The following SMG6 variants were observed in gnomAD, a reference collection of about 807,000 sequenced individuals.
SMG6 encodes telomerase-binding protein EST1A.
Under a neutral mutation model 142.2 loss-of-function variants are expected in SMG6, and 66 were observed. The ratio of observed to expected loss-of-function variants is 0.46; its 90% CI spans 0.38 to 0.57. The LOEUF is 0.57. SMG6 is among the 20% of genes least tolerant of loss of function. SMG6 has a pLI of 0.00. For missense variants in SMG6, 1,793 were observed against 1,832.0 expected (o/e 0.98, Z 0.39); for synonymous variants, 779 against 702.4 (o/e 1.11, Z -1.72).
chr17:2,236,497 A>T lies in SMG6; in HGVS notation c.2864T>A (p.Leu955Gln). Residue 955 changes from leucine (L) to glutamine (Q), a missense_variant, in exon 10 of 19, where the codon CTG (leucine) becomes CAG (glutamine). This residue lies in a region of SMG6 where 1,597 missense variants were observed against 1,584.6 expected (regional missense o/e 1.01). Coordinates refer to ENST00000263073, the MANE Select transcript of SMG6 (RefSeq NM_017575.5). The stretch of plus-strand genomic sequence containing the variant: ...AGAAACTAAACATGCCTTACCTTTC[A>T]GCTGGGAGTTGTGTACTGCAAACAT... Reference protein sequence around the residue: ...INMFAVHNSQLKDCFSEECRS... With the variant: ...INMFAVHNSQQKDCFSEECRS... 1 of 1,612,258 alleles carries T rather than the reference A, an allele frequency of 6.2e-7. No individual in the cohort carries two copies. The highest frequency in any genetic ancestry group is 1.3e-5 in the African/African-American group (1 of 74,990).
chr17:2,085,368 C>G lies in SMG6; in HGVS notation c.3534+357G>C, dbSNP rs1259970664. Among the ~76,000 whole-genome samples, 1 of 152,138 alleles carries G rather than the reference C, an allele frequency of 6.6e-6. No individual in the cohort carries two copies. The highest frequency in any genetic ancestry group is 2.4e-5 in the African/African-American group (1 of 41,408). On this transcript the variant is annotated intron_variant, in intron 14 of 18. Coordinates refer to ENST00000263073, the MANE Select transcript of SMG6 (RefSeq NM_017575.5). This position sits in a 1 kb window ranked among gnomAD's most constrained non-coding sequence, Gnocchi z 4.1. The stretch of plus-strand genomic sequence containing the variant: ...TGTACGTGTGCTGGAGGCTGGAGTT[C>G]AGGCCTGTGCTGCATTGGGCTCCAC...
chr17:2,092,642 T>C (rs1042651506), intron 13 of SMG6, among the ~76,000 whole-genome samples: 1 of 152,166 alleles, frequency 6.6e-6, no homozygotes, highest in African/African-American at 2.4e-5. Context: ...GGAGACGATG[T>C]TCACACTGAA....
intron 10 of SMG6, chr17:2,215,472 A>T (rs2151755322): frequency 6.6e-6 from 1 of 152,300 alleles, no homozygotes; most frequent in Non-Finnish European, 1.5e-5. Context: ...ATTGAAAACT[A>T]CCTAAAAACT....
chr17:2,240,764 G>A (rs1439197080), intron 9 of SMG6, among the ~76,000 whole-genome samples: 3 of 152,220 alleles, frequency 2.0e-5, no homozygotes, highest in Non-Finnish European at 4.4e-5. Flanking sequence ...TGGAGCACCA[G>A]GCACAGAGCA....
chr17:2,086,645 TC>T (rs1399892847), intron 13 of SMG6, among the ~76,000 whole-genome samples: 1 of 152,210 alleles, frequency 6.6e-6, no homozygotes, highest in Non-Finnish European at 1.5e-5. Flanking sequence ...GAGATGAAAC[TC>T]AGTATCTTGA....
In SMG6 at chr17:2,188,583, C is replaced by T. The variant is rs997880063; in HGVS notation, c.2870-68G>A. ...AGATGCACATCACTGGCCACGTTAC[C>T]GAGCTTCCTTTTCCTCACTGAAGAC... is the stretch of plus-strand genomic sequence containing the variant. On this transcript the variant is annotated intron_variant, in intron 10 of 18. Transcript: ENST00000263073. 7 of 1,387,824 alleles carry T rather than the reference C, an allele frequency of 5.0e-6. No individual in the cohort carries two copies. The Admixed American group carries it at 5.3e-5, about 11-fold the overall frequency. 86.0% of individuals were successfully genotyped at this position (1,387,824 alleles called of 1,614,324 possible).
At chr17:2,196,200 T>C (rs1229558404) in intron 10 of SMG6, among the ~76,000 whole-genome samples, 1 of 152,120 alleles carries the variant, frequency 6.6e-6, no homozygotes, top group Non-Finnish European at 1.5e-5. Flanking sequence ...AGCGGGCAGA[T>C]CACCTGAGAT....
chr17:2,261,191 G>A (rs558716162), intron 8 of SMG6, among the ~76,000 whole-genome samples: 1 of 151,446 alleles, frequency 6.6e-6, no homozygotes, highest in Non-Finnish European at 1.5e-5. Context: ...GCGAGCACCT[G>A]TAGTCCCAGC....
intron 13 of SMG6, among the ~76,000 whole-genome samples, chr17:2,139,425 C>CTTTTT (rs375417133): frequency 0.29 from 39,558 of 138,552 alleles, 5,971 homozygotes; most frequent in African/African-American, 0.36. Flanking sequence ...CTGCTTTTTT[C>CTTTTT]TTTTTTTTTT....
intron 12 of SMG6, among the ~76,000 whole-genome samples, chr17:2,176,219 A>G (rs754410674): frequency 2.1e-4 from 32 of 152,094 alleles, no homozygotes; most frequent in Non-Finnish European, 4.1e-4. Context: ...GAAGGAGAAA[A>G]GCTTAGCTTT....
chr17:2,105,736 G>C (rs1431795692), intron 13 of SMG6, among the ~76,000 whole-genome samples: 1 of 152,140 alleles, frequency 6.6e-6, no homozygotes, highest in African/African-American at 2.4e-5. Context: ...GCCCTAAAAA[G>C]AGTTCTATCA....
intron 13 of SMG6, among the ~76,000 whole-genome samples, chr17:2,093,592 T>A (rs2068781381): frequency 6.6e-6 from 1 of 152,082 alleles, no homozygotes; most frequent in South Asian, 2.1e-4. Flanking sequence ...TGGAAGCCAG[T>A]CTGAGAGGCA....
intron 10 of SMG6, among the ~76,000 whole-genome samples, chr17:2,205,877 C>A (rs2072663022): frequency 6.6e-6 from 1 of 152,178 alleles, no homozygotes; most frequent in South Asian, 2.1e-4. Flanking sequence ...GCCGCAATCT[C>A]AGCTCACTGC....
chr17:2,187,460 C>T (rs34493815), intron 11 of SMG6, among the ~76,000 whole-genome samples: 3 of 151,980 alleles, frequency 2.0e-5, no homozygotes, highest in Admixed American at 6.6e-5. Flanking sequence ...TGTTGACTTC[C>T]GATTTTGATA....
Position 2,077,378 on chromosome 17 carries a change from G to T in SMG6, c.3681+4432C>A, listed in dbSNP as rs550248668. Among the ~76,000 whole-genome samples the T allele has an allele frequency of 3.9e-5, 6 of 152,218 alleles. No individual in the cohort carries two copies. The East Asian group carries it at 7.7e-4, about 20-fold the overall frequency. ...AGAGGCAGACGGATTCCTCCTGGGG[G>T]AGACCAGGGGGGGCTTCACTGGGGA... On this transcript the variant is annotated intron_variant, in intron 15 of 18. Coordinates refer to ENST00000263073, the MANE Select transcript of SMG6 (RefSeq NM_017575.5).
chr17:2,102,753 T>A (rs1279320825), intron 13 of SMG6, among the ~76,000 whole-genome samples: 1 of 152,076 alleles, frequency 6.6e-6, no homozygotes, highest in Non-Finnish European at 1.5e-5. Flanking sequence ...CACACACCCA[T>A]CTTTCTCCCA....
intron 13 of SMG6, among the ~76,000 whole-genome samples, chr17:2,163,779 T>C (rs1482455087): frequency 6.6e-6 from 1 of 152,130 alleles, no homozygotes; most frequent in Non-Finnish European, 1.5e-5. Flanking sequence ...CTTATTCTGT[T>C]TCTTGAGCTG....
chr17:2,109,928 C>A (rs1232686372), intron 13 of SMG6, among the ~76,000 whole-genome samples: 1 of 151,816 alleles, frequency 6.6e-6, no homozygotes, highest in African/African-American at 2.4e-5. Flanking sequence ...ACTAAAAATA[C>A]AAAAATTAGC....
At chr17:2,149,860 A>G (rs1242642942) in intron 13 of SMG6, among the ~76,000 whole-genome samples, 1 of 152,190 alleles carries the variant, frequency 6.6e-6, no homozygotes, top group Non-Finnish European at 1.5e-5. Flanking sequence ...TTCTAAGTCC[A>G]CAGGACTTTA....
Sources: gnomAD v4.1 joint callset for allele counts (sites outside exome capture counted in the v4.1 genomes callset) on GRCh38, gnomAD v4.1.1 for gene constraint, gnomAD v4.1.1 regional missense constraint, Gnocchi (gnomAD v3.1) non-coding constraint, MANE v1.5 for transcripts, NCBI Gene and HGNC (gene_info 2026-07-23, HGNC 2026-07-21) for gene names.